Variants in TRRAP observed in about 807,000 individuals in gnomAD.
TRRAP encodes the protein transformation/transcription domain-associated protein.
TRRAP carries 41 observed loss-of-function variants against 438.8 expected under a neutral mutation model. The observed-to-expected ratio is 0.09, with a 90% CI of 0.07 to 0.12. The LOEUF (loss-of-function observed/expected upper bound fraction) is 0.12, where lower values mean the gene tolerates loss of function less well. TRRAP is among the 10% of genes least tolerant of loss of function. The probability of loss-of-function intolerance (pLI) is 1.00; values close to 1 mark genes in which losing one functional copy is unlikely to be tolerated. For missense variants in TRRAP, 3,122 were observed against 5,055.1 expected, an observed-to-expected ratio of 0.62 and a Z score of 11.60; for synonymous variants, 1,994 against 1,962.9, an observed-to-expected ratio of 1.02 and a Z score of -0.42.
rs138274731 is a variant in TRRAP at position 98,994,685 on chromosome 7, C to G, written c.10146C>G (p.Leu3382=). The change falls in exon 67 of 73, where the codon CTC becomes CTG. Residue 3382 remains leucine, a synonymous_variant. Transcript: ENST00000456197. The surrounding 1 kb of genome is among the most constrained non-coding windows in gnomAD (Gnocchi z 4.8). The stretch of plus-strand genomic sequence containing the variant: ...ATGCTAAAATCACCCCCCACACTCT[C>G]AATTTTGTGAAGAAGTTGGTGAGCA... ...VSDAKITPHT[L]NFVKKLVSTF... is the part of the protein sequence containing the mutation. 33 of 1,614,100 alleles carry G rather than the reference C, an allele frequency of 2.0e-5. No homozygotes were observed. Among genetic ancestry groups the G allele is most frequent in the East Asian group, 2.0e-4 (9 of 44,892 alleles).
intron 27 of TRRAP, among the ~76,000 whole-genome samples, chr7:98,934,605 G>A (rs782213082): frequency 6.6e-6 from 1 of 152,128 alleles, no homozygotes; most frequent in Non-Finnish European, 1.5e-5. Context: ...GAACACGTGC[G>A]GATCTTTTGA....
At chr7:98,943,699 T>C (rs994079083) in intron 31 of TRRAP, among the ~76,000 whole-genome samples, 2 of 152,254 alleles carry the variant, frequency 1.3e-5, no homozygotes, top group African/African-American at 2.4e-5. Context: ...TTAAATCTAA[T>C]ATTATTTGTA....
chr7:98,965,145 T>C (rs1792095773), intron 48 of TRRAP, among the ~76,000 whole-genome samples: 1 of 152,220 alleles, frequency 6.6e-6, no homozygotes, highest in South Asian at 2.1e-4. Context: ...CGTGTGCATG[T>C]GCACACACAC....
At chr7:99,009,329 G>A (rs771065299) in intron 70 of TRRAP, among the ~76,000 whole-genome samples, 5 of 152,248 alleles carry the variant, frequency 3.3e-5, no homozygotes, top group Non-Finnish European at 2.9e-5. Flanking sequence ...ACCTTGTCCC[G>A]AGTCACCCAG....
chr7:98,905,724 G>T (rs148253377), intron 12 of TRRAP, among the ~76,000 whole-genome samples: 200 of 152,296 alleles, frequency 1.3e-3, no homozygotes, highest in African/African-American at 4.2e-3. Flanking sequence ...TTGTAAAAAC[G>T]CCTGGACCTT....
Position 98,917,697 on chromosome 7 carries a change from T to A in TRRAP, c.2622+18T>A, listed in dbSNP as rs368217150. On this transcript the variant is annotated intron_variant, in intron 20 of 72. Transcript: ENST00000456197. ...TCATGCAGGTAGGATTTTAGTGAGG[T>A]TGTTAGCTGGCTGCTTCCCTGGAAG... 24 of 1,608,148 alleles carry A rather than the reference T, an allele frequency of 1.5e-5. No homozygotes were observed. The highest frequency in any genetic ancestry group is 2.0e-5 in the Non-Finnish European group (23 of 1,175,328).
intron 67 of TRRAP, among the ~76,000 whole-genome samples, chr7:99,001,622 CA>C (rs2116845188): frequency 6.6e-6 from 1 of 152,188 alleles, no homozygotes; most frequent in African/African-American, 2.4e-5. Context: ...GGGTCTCAGA[CA>C]CGCACAGCCA....
In TRRAP at chr7:98,967,146, G is replaced by C; in HGVS notation, c.7282G>C (p.Val2428Leu). Residue 2428 changes from valine to leucine, a missense_variant, in exon 50 of 73, where the codon GTT becomes CTT. By Grantham distance (32) the Val-to-Leu change is conservative. Transcript: ENST00000456197. ...ATTAAATGCCCAGTTTTTAGATCTT[G>C]TTAACTATGTCTACAGGTAATTACA... ...LELNAQFLDL[V>L]NYVYRDETLS... 6.2e-7 allele frequency: 1 copy of C among 1,613,942 alleles called. No individual in the cohort carries two copies. Among genetic ancestry groups the C allele is most frequent in the Non-Finnish European group, 8.5e-7 (1 of 1,179,966 alleles).
intron 21 of TRRAP, among the ~76,000 whole-genome samples, chr7:98,924,597 G>A (rs913383403): frequency 6.7e-6 from 1 of 149,834 alleles, no homozygotes; most frequent in Non-Finnish European, 1.5e-5. Flanking sequence ...GCTGAGGCAG[G>A]AGAATGGCGT....
chr7:98,889,066 T>G (rs1359370261), intron 3 of TRRAP, among the ~76,000 whole-genome samples: 3 of 99,934 alleles, frequency 3.0e-5, no homozygotes, highest in Admixed American at 2.1e-4. Flanking sequence ...TTTTTTTTTT[T>G]GATATGAGGT....
chr7:98,881,100 C>T lies in TRRAP; in HGVS notation c.-51C>T, dbSNP rs782347243. 2.0e-6 allele frequency: 3 copies of T among 1,514,066 alleles called. No individual in the cohort carries two copies. Among genetic ancestry groups the T allele is most frequent in the East Asian group, 2.3e-5 (1 of 43,008 alleles). The allele number at this position is 1,514,066 out of a possible 1,614,324, so 93.8% of individuals were successfully genotyped here. Reference sequence around the variant, plus strand: ...TGCTTCTTTTCATAGGCTGGTTGAACTCATGGACCTGATACTTTTCTCTTG... The same window carrying T: ...TGCTTCTTTTCATAGGCTGGTTGAATTCATGGACCTGATACTTTTCTCTTG... On this transcript the variant is annotated 5_prime_UTR_variant, in exon 2 of 73. Transcript: ENST00000456197.
chr7:98,960,000 A>C (rs1223639743), intron 45 of TRRAP, among the ~76,000 whole-genome samples: 1 of 151,866 alleles, frequency 6.6e-6, no homozygotes, highest in Non-Finnish European at 1.5e-5. Context: ...TTGAGCTTTC[A>C]TGCTGGCCCC....
At chr7:98,931,280 A>G in intron 25 of TRRAP, 125 bp from the exon 26 acceptor site, 1 of 1,408,634 alleles carries the variant, frequency 7.1e-7, no homozygotes, top group Non-Finnish European at 9.5e-7. Context: ...TCACCTCATT[A>G]AAGCAGCTGG....
chr7:98,953,650 G>T (rs940784635), intron 40 of TRRAP, among the ~76,000 whole-genome samples: 13 of 152,150 alleles, frequency 8.5e-5, no homozygotes, highest in Admixed American at 7.9e-4. Flanking sequence ...TTGGGGAGAG[G>T]GGGTGGGGAG....
intron 67 of TRRAP, chr7:98,999,709 A>G: frequency 1.3e-6 from 1 of 775,590 alleles, no homozygotes; most frequent in East Asian, 2.5e-5. Flanking sequence ...AGAGTTCAGC[A>G]CAAGTGGAGG....
intron 40 of TRRAP, among the ~76,000 whole-genome samples, chr7:98,953,677 C>T (rs1001121652): frequency 5.3e-5 from 8 of 152,122 alleles, no homozygotes; most frequent in Non-Finnish European, 7.3e-5. Flanking sequence ...TTGAATGGTG[C>T]GGAGTTTCTG....
intron 38 of TRRAP, 70 bp downstream of exon 38, chr7:98,950,332 T>A (rs1269486186): frequency 1.3e-6 from 2 of 1,541,216 alleles, no homozygotes; most frequent in Non-Finnish European, 1.8e-6. Flanking sequence ...CTTTGGGCCC[T>A]TTTCTTTTTT....
rs782806785 is a variant in TRRAP at position 98,899,436 on chromosome 7, G to A, written c.648G>A (p.Pro216=). The change falls in exon 9 of 73, where the codon CCG becomes CCA. Residue 216 remains proline (P), a synonymous_variant. Coordinates refer to ENST00000456197, the MANE Select transcript of TRRAP (RefSeq NM_001375524.1). ...DSETRTHSII[P]RGSLSLKVLA... is the part of the protein sequence containing the mutation. ...CTGTCTTCCAGCATTCCATCATTCC[G>A]AGGGGATCACTTTCTCTGAAAGTGT... is the stretch of plus-strand genomic sequence containing the variant. The A allele has an allele frequency of 7.4e-6, 12 of 1,614,108 alleles. No homozygotes were observed. The highest frequency in any genetic ancestry group is 3.3e-4 in the Middle Eastern group (2 of 6,062).
At chr7:98,881,614 A>G (rs1795439835) in intron 2 of TRRAP, 2 of 277,652 alleles carry the variant, frequency 7.2e-6, no homozygotes, top group African/African-American at 2.2e-5. Context: ...TGACACATTT[A>G]TCTCAGCTCA....
Sources: gnomAD v4.1 joint callset for allele counts (sites outside exome capture counted in the v4.1 genomes callset) on GRCh38, gnomAD v4.1.1 for gene constraint, Gnocchi (gnomAD v3.1) non-coding constraint, MANE v1.5 for transcripts, NCBI Gene and HGNC (gene_info 2026-07-23, HGNC 2026-07-21) for gene names.